MEOX2: variants seen among roughly 807,000 people sequenced by gnomAD.
The protein encoded by MEOX2 is mesenchyme homeobox 2.
MEOX2 carries 11 observed loss-of-function variants against 27.0 expected under a neutral mutation model. The observed-to-expected ratio is 0.41, with a 90% CI of 0.26 to 0.68. MEOX2 has a LOEUF of 0.68. Among genes scored for constraint, MEOX2 ranks in the 30% least tolerant of loss-of-function variants. The pLI is 0.33. For missense variants in MEOX2, 436 were observed against 385.4 expected, an observed-to-expected ratio of 1.13 and a Z score of -1.10; for synonymous variants, 189 against 155.4, an observed-to-expected ratio of 1.22 and a Z score of -1.61.
intron 1 of MEOX2, among the ~76,000 whole-genome samples, chr7:15,670,753 A>G (rs1782082001): frequency 6.6e-6 from 1 of 152,196 alleles, no homozygotes; most frequent in Admixed American, 6.5e-5. Context: ...GGTCATTTCT[A>G]GCACATCTGT....
chr7:15,660,174 A>C (rs1781890093), intron 1 of MEOX2, among the ~76,000 whole-genome samples: 1 of 152,184 alleles, frequency 6.6e-6, no homozygotes, highest in African/African-American at 2.4e-5. Context: ...TTCCACCCAA[A>C]GGAAATAGCA....
At chr7:15,661,539 G>A (rs1250657973) in intron 1 of MEOX2, among the ~76,000 whole-genome samples, 1 of 152,176 alleles carries the variant, frequency 6.6e-6, no homozygotes, top group Non-Finnish European at 1.5e-5. Flanking sequence ...GACTCAATAT[G>A]CACTTTATAA....
intron 2 of MEOX2, among the ~76,000 whole-genome samples, chr7:15,617,929 C>A (rs1008870784): frequency 6.6e-6 from 1 of 152,134 alleles, no homozygotes; most frequent in South Asian, 2.1e-4. Flanking sequence ...TATAGACAGC[C>A]ATGGACAAAT....
chr7:15,660,758 A>G (rs1291226396), intron 1 of MEOX2, among the ~76,000 whole-genome samples: 1 of 152,250 alleles, frequency 6.6e-6, no homozygotes, highest in South Asian at 2.1e-4. Context: ...GTGGTGGCTC[A>G]TGCCTCTAAT....
rs1227515011 is a variant in MEOX2 at position 15,611,593 on chromosome 7, G to T, written c.*794C>A. 1 of 152,584 alleles carries T rather than the reference G, an allele frequency of 6.6e-6. No individual in the cohort carries two copies. The highest frequency in any genetic ancestry group is 1.5e-5 in the Non-Finnish European group (1 of 68,030). 9.5% of individuals were successfully genotyped at this position (152,584 alleles called of 1,614,324 possible). ...AGGTAAGTTTTATAATAACGTATTA[G>T]CAGCAGTTGATAGTAAATGCAACAT... On this transcript the variant is annotated 3_prime_UTR_variant, in exon 3 of 3. Transcript: ENST00000262041.
Position 15,686,240 on chromosome 7 carries a change from T to TG in MEOX2, c.162dup (p.Asn55GlnfsTer149). On this transcript the variant is annotated frameshift_variant, in exon 1 of 3. Transcript: ENST00000262041. LOFTEE classifies it high-confidence loss of function. ...TGGCTGGCAAACATGCCCTCTTCGT[T>TG]GGGGTATCCCGCGATTATGCAAGAT... The TG allele has an allele frequency of 6.2e-7, 1 of 1,612,684 alleles. No individual in the cohort carries two copies. The highest frequency in any genetic ancestry group is 1.3e-5 in the African/African-American group (1 of 74,954).
chr7:15,649,624 G>C (rs1781705626), intron 1 of MEOX2, among the ~76,000 whole-genome samples: 1 of 152,034 alleles, frequency 6.6e-6, no homozygotes, highest in African/African-American at 2.4e-5. Context: ...TGAGTATCTG[G>C]AATATAAATG....
At chr7:15,654,468 G>A (rs115571545) in intron 1 of MEOX2, among the ~76,000 whole-genome samples, 1,610 of 151,686 alleles carry the variant, frequency 0.011, 33 homozygotes, top group African/African-American at 0.037. Context: ...GAGTGGTGAG[G>A]GAGGACATTC....
chr7:15,684,770 C>T (rs763016970), intron 1 of MEOX2, among the ~76,000 whole-genome samples: 8 of 152,180 alleles, frequency 5.3e-5, no homozygotes, highest in Non-Finnish European at 8.8e-5. Context: ...ACAAATGACA[C>T]CTTCCAAAAG....
intron 2 of MEOX2, among the ~76,000 whole-genome samples, chr7:15,623,279 T>A (rs1036028054): frequency 6.6e-6 from 1 of 152,214 alleles, no homozygotes; most frequent in Non-Finnish European, 1.5e-5. Flanking sequence ...AGTTGACAAC[T>A]GACATCATAG....
intron 2 of MEOX2, among the ~76,000 whole-genome samples, chr7:15,619,933 G>A (rs551276226): frequency 1.3e-5 from 2 of 152,006 alleles, no homozygotes; most frequent in African/African-American, 4.8e-5. Flanking sequence ...GCACCGAATA[G>A]ATCTTGCTTT....
intron 2 of MEOX2, among the ~76,000 whole-genome samples, chr7:15,619,794 C>T (rs1056134789): frequency 2.0e-5 from 3 of 151,766 alleles, no homozygotes; most frequent in African/African-American, 7.3e-5. Context: ...GTTTATTTTT[C>T]TTTGGTTTTT....
chr7:15,655,546 C>T (rs1781805691), intron 1 of MEOX2, among the ~76,000 whole-genome samples: 1 of 151,618 alleles, frequency 6.6e-6, no homozygotes, highest in Admixed American at 6.6e-5. Flanking sequence ...TTAATTAGAT[C>T]CCACAAAATT....
At chr7:15,679,654 AT>A (rs1247007879) in intron 1 of MEOX2, 2 of 152,090 alleles carry the variant, frequency 1.3e-5, no homozygotes, top group Non-Finnish European at 2.9e-5. Context: ...AAGAATTGTC[AT>A]CAAGGTACAC....
intron 1 of MEOX2, among the ~76,000 whole-genome samples, chr7:15,645,814 A>AAT: frequency 6.6e-6 from 1 of 152,200 alleles, no homozygotes; most frequent in South Asian, 2.1e-4. Flanking sequence ...TGATCACGGA[A>AAT]ATATATATAT....
chr7:15,614,959 T>C (rs1781099265), intron 2 of MEOX2, among the ~76,000 whole-genome samples: 1 of 152,152 alleles, frequency 6.6e-6, no homozygotes, highest in South Asian at 2.1e-4. Context: ...GGATTTTTCT[T>C]GGTCTCACTT....
At chr7:15,683,639 C>A (rs1782327802) in intron 1 of MEOX2, among the ~76,000 whole-genome samples, 1 of 152,040 alleles carries the variant, frequency 6.6e-6, no homozygotes, top group Admixed American at 6.5e-5. Flanking sequence ...TAATTTAAAT[C>A]TATCTCAATA....
At chr7:15,645,218 T>C (rs1260915147) in intron 1 of MEOX2, among the ~76,000 whole-genome samples, 2 of 152,312 alleles carry the variant, frequency 1.3e-5, no homozygotes, top group East Asian at 1.9e-4. Flanking sequence ...TGACAATCAA[T>C]TCACCAAAAC....
intron 2 of MEOX2, among the ~76,000 whole-genome samples, chr7:15,613,887 A>T (rs534387767): frequency 6.6e-6 from 1 of 151,820 alleles, no homozygotes; most frequent in African/African-American, 2.4e-5. Flanking sequence ...ACATTCTTGC[A>T]TTTGTGTCCT....
Sources: gnomAD v4.1 joint callset for allele counts (sites outside exome capture counted in the v4.1 genomes callset) on GRCh38, gnomAD v4.1.1 for gene constraint, MANE v1.5 for transcripts, NCBI Gene and HGNC (gene_info 2026-07-23, HGNC 2026-07-21) for gene names.